Variants in CD86 observed in about 807,000 individuals in gnomAD.
CD86 encodes the protein CD86 molecule, also known as T-lymphocyte activation antigen CD86.
In CD86, 11 loss-of-function variants were observed where a neutral mutation model predicts 32.1. The ratio of observed to expected loss-of-function variants is 0.34; its 90% CI spans 0.22 to 0.57. The LOEUF (loss-of-function observed/expected upper bound fraction) is 0.57, where lower values mean the gene tolerates loss of function less well. Ranked by LOEUF, CD86 falls within the 20% of genes least tolerant of loss-of-function variation. CD86 has a pLI of 0.86. For synonymous variants in CD86, 137 were observed against 135.3 expected (o/e 1.01, Z -0.09); for missense variants, 359 against 398.4 (o/e 0.90, Z 0.84).
chr3:122,095,435 C>A (rs2072892270), intron 2 of CD86, among the ~76,000 whole-genome samples: 1 of 152,178 alleles, frequency 6.6e-6, no homozygotes, highest in Non-Finnish European at 1.5e-5. Flanking sequence ...CCCGCCTCGA[C>A]CTCCCAAAGT....
chr3:122,093,155 T>A (rs1446525851), intron 2 of CD86, among the ~76,000 whole-genome samples: 1 of 152,042 alleles, frequency 6.6e-6, no homozygotes, highest in Non-Finnish European at 1.5e-5. Flanking sequence ...TATTTATTTA[T>A]TTTATTTATT....
At chr3:122,095,405 TC>T (rs1398870925) in intron 2 of CD86, among the ~76,000 whole-genome samples, 1 of 152,140 alleles carries the variant, frequency 6.6e-6, no homozygotes, top group Admixed American at 6.6e-5. Flanking sequence ...AGTCTCGAAC[TC>T]CTGACCTCAG....
Position 122,106,240 on chromosome 3 carries a change from C to T in CD86, c.443C>T (p.Thr148Ile). The T allele has an allele frequency of 6.2e-7, 1 of 1,610,924 alleles. No homozygotes were observed. The highest frequency in any genetic ancestry group is 1.3e-5 in the African/African-American group (1 of 74,912). Residue 148 changes from threonine to isoleucine, a missense_variant, in exon 4 of 7, where the codon ACA becomes ATA. Coordinates refer to ENST00000330540, the MANE Select transcript of CD86 (RefSeq NM_175862.5). Reference protein sequence around the residue: ...QPEIVPISNITENVYINLTCS... With the variant: ...QPEIVPISNIIENVYINLTCS... ...GAAATAGTACCAATTTCTAATATAA[C>T]AGAAAATGTGTACATAAATTTGACC...
intron 1 of CD86, among the ~76,000 whole-genome samples, chr3:122,064,528 G>A (rs2072386356): frequency 6.6e-6 from 1 of 152,146 alleles, no homozygotes. Context: ...ACGTATGAAT[G>A]GCAGAAGCTG....
intron 6 of CD86, among the ~76,000 whole-genome samples, chr3:122,118,816 A>G (rs1320798955): frequency 6.6e-6 from 1 of 152,226 alleles, no homozygotes; most frequent in Admixed American, 6.5e-5. Context: ...ATAAATGTTG[A>G]AAGAATGATT....
At chr3:122,103,943 G>T (rs2073051437) in intron 3 of CD86, 96 bp downstream of exon 3, 1 of 936,410 alleles carries the variant, frequency 1.1e-6, no homozygotes. Flanking sequence ...GAGGGGCCCA[G>T]GGGAAAAGGG....
intron 1 of CD86, among the ~76,000 whole-genome samples, chr3:122,062,099 A>C (rs1296409770): frequency 6.6e-6 from 1 of 151,984 alleles, no homozygotes; most frequent in Non-Finnish European, 1.5e-5. Flanking sequence ...AAAAAAAAAA[A>C]ACAAAAACTA....
intron 1 of CD86, among the ~76,000 whole-genome samples, chr3:122,066,647 T>G (rs1170101271): frequency 6.6e-6 from 1 of 152,158 alleles, no homozygotes; most frequent in African/African-American, 2.4e-5. Flanking sequence ...TTAGGGTGCC[T>G]TAGAGTTCCA....
At chr3:122,076,106 T>C (rs1024607080) in intron 1 of CD86, among the ~76,000 whole-genome samples, 2 of 152,246 alleles carry the variant, frequency 1.3e-5, no homozygotes, top group Non-Finnish European at 2.9e-5. Flanking sequence ...GATCTGTTTA[T>C]GGAAAATGAT....
At chr3:122,101,015 T>C (rs1470154832) in intron 2 of CD86, among the ~76,000 whole-genome samples, 2 of 152,088 alleles carry the variant, frequency 1.3e-5, no homozygotes, top group Non-Finnish European at 2.9e-5. Flanking sequence ...TGGCTCTGTG[T>C]GAGATCATGG....
At position 122,099,473 on chromosome 3, in the gene CD86, C is replaced by G. The variant is rs557778373; in HGVS notation, c.65-4039C>G. On this transcript the variant is annotated intron_variant, in intron 2 of 6. Transcript: ENST00000330540. ...TAATGGAGGTGAACCAGGTGAATAG[C>G]CTGGAGGCCGAGTGAAGTGAGACAG... Among the ~76,000 whole-genome samples, 196 of 152,278 alleles carry G rather than the reference C, an allele frequency of 1.3e-3. 1 individual carries two copies. The highest frequency in any genetic ancestry group is 2.5e-3 in the Non-Finnish European group (168 of 68,022).
intron 5 of CD86, 139 bp downstream of exon 5, chr3:122,109,547 G>A: frequency 1.0e-6 from 1 of 960,470 alleles, no homozygotes; most frequent in Non-Finnish European, 1.6e-6. Flanking sequence ...TTTTCCCTTG[G>A]AGTTTTGAGC....
chr3:122,088,391 C>T lies in CD86; in HGVS notation c.15-3210C>T, dbSNP rs575137003. Among the ~76,000 whole-genome samples, 157 of 152,164 alleles carry T rather than the reference C, an allele frequency of 1.0e-3. 1 individual carries two copies. The highest frequency in any genetic ancestry group is 7.1e-4 in the Non-Finnish European group (48 of 68,016). The stretch of plus-strand genomic sequence containing the variant: ...CCTTTTTCTTATTGATTTATAGAAG[C>T]TCTTTTATACATAGAAAATTAATAC... On this transcript the variant is annotated intron_variant, in intron 1 of 6. Coordinates refer to ENST00000330540, the MANE Select transcript of CD86 (RefSeq NM_175862.5).
At chr3:122,063,841 G>A (rs1277239870) in intron 1 of CD86, among the ~76,000 whole-genome samples, 2 of 152,040 alleles carry the variant, frequency 1.3e-5, no homozygotes, top group Non-Finnish European at 1.5e-5. Context: ...GTGACCCACC[G>A]CACCTGGCCT....
At chr3:122,106,871 C>CA (rs1553754173) in intron 4 of CD86, among the ~76,000 whole-genome samples, 2 of 151,148 alleles carry the variant, frequency 1.3e-5, no homozygotes, top group African/African-American at 2.4e-5. Context: ...CACACACACA[C>CA]CATGCATACA....
intron 1 of CD86, among the ~76,000 whole-genome samples, chr3:122,073,234 C>A (rs2107509223): frequency 6.6e-6 from 1 of 150,892 alleles, no homozygotes; most frequent in East Asian, 2.0e-4. Flanking sequence ...GTAGTGGTAT[C>A]TTACTGTTTT....
chr3:122,082,834 A>G (rs755921149), intron 1 of CD86, among the ~76,000 whole-genome samples: 1 of 152,240 alleles, frequency 6.6e-6, no homozygotes, highest in Admixed American at 6.5e-5. Context: ...TCTGCACAGC[A>G]TAAGTTTGAT....
intron 2 of CD86, among the ~76,000 whole-genome samples, chr3:122,098,861 A>G (rs578204435): frequency 2.4e-4 from 37 of 152,282 alleles, no homozygotes; most frequent in Non-Finnish European, 4.9e-4. Context: ...ATGATTGTAG[A>G]CAGAAGAGGG....
intron 1 of CD86, chr3:122,086,459 C>A: frequency 2.5e-6 from 1 of 406,098 alleles, no homozygotes. Context: ...CCCACATGCT[C>A]CTTCAGACCT....
Sources: allele counts gnomAD v4.1 joint callset (sites outside exome capture counted in the v4.1 genomes callset), GRCh38; gene constraint gnomAD v4.1.1; transcripts MANE v1.5; gene names NCBI Gene and HGNC (gene_info 2026-07-23, HGNC 2026-07-21).